Variants in ANKRD28 observed in about 807,000 individuals in gnomAD.
The protein encoded by ANKRD28 is ankyrin repeat domain 28.
ANKRD28 carries 44 observed loss-of-function variants against 126.5 expected under a neutral mutation model. That is an observed-to-expected ratio of 0.35 (90% confidence interval 0.27 to 0.45). ANKRD28 has a LOEUF of 0.45. Among genes scored for constraint, ANKRD28 ranks in the 20% least tolerant of loss-of-function variants. The probability of loss-of-function intolerance (pLI) is 1.00; values close to 1 mark genes in which losing one functional copy is unlikely to be tolerated. For synonymous variants in ANKRD28, 442 were observed against 468.5 expected (o/e 0.94, Z 0.73); for missense variants, 1,110 against 1,316.6 (o/e 0.84, Z 2.43).
chr3:15,679,329 T>C lies in ANKRD28; in HGVS notation c.2533A>G (p.Ile845Val), dbSNP rs777086590. ...CCTTTTGAATCTGTGGCGTTCACAATGCTGGCACCTAATGTATCAATTAAC... is the reference window on the plus strand; with the variant it reads ...CCTTTTGAATCTGTGGCGTTCACAACGCTGGCACCTAATGTATCAATTAAC... ...EMLIDTLGASIVNATDSKGRT... is the reference protein window; with the variant it reads ...EMLIDTLGASVVNATDSKGRT... The change falls in exon 23 of 28, where the codon ATT becomes GTT. Residue 845 changes from isoleucine to valine, a missense_variant. Physicochemically the swap from Ile to Val is conservative, Grantham distance 29 (BLOSUM62 3). Coordinates refer to ENST00000683139, the MANE Select transcript of ANKRD28 (RefSeq NM_001349278.2). 4 of 1,614,014 alleles carry C rather than the reference T, an allele frequency of 2.5e-6. No homozygotes were observed. Among genetic ancestry groups the C allele is most frequent in the Non-Finnish European group, 3.4e-6 (4 of 1,179,888 alleles).
intron 1 of ANKRD28, among the ~76,000 whole-genome samples, chr3:15,852,847 A>G (rs1198730352): frequency 2.0e-5 from 3 of 151,398 alleles, no homozygotes; most frequent in Non-Finnish European, 2.9e-5. Flanking sequence ...AAAAAAAAAA[A>G]AAAAAAAAAG....
chr3:15,762,917 T>C (rs1398775913), intron 3 of ANKRD28, among the ~76,000 whole-genome samples: 1 of 152,186 alleles, frequency 6.6e-6, no homozygotes, highest in East Asian at 1.9e-4. Context: ...GCAAATAAAC[T>C]TCAAAAGATC....
chr3:15,835,049 G>A (rs974748927), intron 1 of ANKRD28, among the ~76,000 whole-genome samples: 1 of 152,176 alleles, frequency 6.6e-6, no homozygotes, highest in African/African-American at 2.4e-5. Context: ...TCGGGAGGCT[G>A]AGGCATGAGA....
chr3:15,680,379 G>A (rs763190856), intron 21 of ANKRD28, among the ~76,000 whole-genome samples: 4 of 151,668 alleles, frequency 2.6e-5, no homozygotes, highest in East Asian at 1.9e-4. Flanking sequence ...AGCTTTTTTC[G>A]TATTTTTAGT....
At chr3:15,759,459 T>C (rs1202194202) in intron 3 of ANKRD28, among the ~76,000 whole-genome samples, 1 of 152,174 alleles carries the variant, frequency 6.6e-6, no homozygotes, top group Non-Finnish European at 1.5e-5. Context: ...TGGACTCTAG[T>C]ATTACTATAG....
chr3:15,776,501 T>C (rs1012895021), intron 2 of ANKRD28, among the ~76,000 whole-genome samples: 6 of 152,230 alleles, frequency 3.9e-5, no homozygotes, highest in Non-Finnish European at 8.8e-5. Context: ...ATGATCCATT[T>C]GATTCAAAAT....
At chr3:15,671,384 AATAGT>A (rs2066330923) in intron 27 of ANKRD28, among the ~76,000 whole-genome samples, 1 of 152,138 alleles carries the variant, frequency 6.6e-6, no homozygotes, top group African/African-American at 2.4e-5. Context: ...ATGGAACTTT[AATAGT>A]TTTATCACAT....
chr3:15,746,126 T>G (rs2057459617), intron 4 of ANKRD28, among the ~76,000 whole-genome samples: 1 of 152,204 alleles, frequency 6.6e-6, no homozygotes, highest in South Asian at 2.1e-4. Flanking sequence ...TTTAGGGTTT[T>G]CTAGGTATGC....
At chr3:15,840,807 T>A (rs1222944948) in intron 1 of ANKRD28, among the ~76,000 whole-genome samples, 1 of 152,146 alleles carries the variant, frequency 6.6e-6, no homozygotes. Context: ...GTCTCTTCAA[T>A]AAATGGTGCC....
intron 15 of ANKRD28, 66 bp downstream of exon 15, chr3:15,696,068 C>G: frequency 9.1e-7 from 1 of 1,102,774 alleles, no homozygotes; most frequent in South Asian, 1.5e-5. Context: ...CATTTATTCT[C>G]ATTTTTGTTA....
At chr3:15,722,372 C>G (rs984058645) in intron 7 of ANKRD28, among the ~76,000 whole-genome samples, 1 of 152,174 alleles carries the variant, frequency 6.6e-6, no homozygotes, top group South Asian at 2.1e-4. Context: ...CAGGGAAGAA[C>G]AGTAATGTGT....
intron 1 of ANKRD28, among the ~76,000 whole-genome samples, chr3:15,841,087 G>A (rs771991572): frequency 2.0e-5 from 3 of 152,264 alleles, no homozygotes; most frequent in East Asian, 1.9e-4. Context: ...GCAGTAAGCC[G>A]AGATCCGCGC....
chr3:15,762,268 A>AT (rs1459258006), intron 3 of ANKRD28, among the ~76,000 whole-genome samples: 1 of 149,376 alleles, frequency 6.7e-6, no homozygotes, highest in Non-Finnish European at 1.5e-5. Flanking sequence ...GTGAAAGGAT[A>AT]TTTTTATAAA....
intron 17 of ANKRD28, among the ~76,000 whole-genome samples, chr3:15,691,733 G>A (rs2068829621): frequency 6.6e-6 from 1 of 152,128 alleles, no homozygotes. Context: ...ACTGTTTTAG[G>A]ATTACATCTA....
chr3:15,850,398 T>C (rs2061627663), intron 1 of ANKRD28, among the ~76,000 whole-genome samples: 1 of 151,876 alleles, frequency 6.6e-6, no homozygotes, highest in South Asian at 2.1e-4. Context: ...ACCATAAATT[T>C]GGTAGCTTAA....
chr3:15,701,015 A>G (rs1295793506), intron 14 of ANKRD28, among the ~76,000 whole-genome samples: 1 of 152,226 alleles, frequency 6.6e-6, no homozygotes, highest in Non-Finnish European at 1.5e-5. Flanking sequence ...CTACCCAAAT[A>G]TTAAACTACC....
At chr3:15,678,596 A>C (rs1373053276) in intron 23 of ANKRD28, among the ~76,000 whole-genome samples, 1 of 152,196 alleles carries the variant, frequency 6.6e-6, no homozygotes, top group South Asian at 2.1e-4. Context: ...GATTAATTAC[A>C]AAATTGCTAA....
At chr3:15,766,549 T>C (rs975666855) in intron 2 of ANKRD28, among the ~76,000 whole-genome samples, 4 of 152,042 alleles carry the variant, frequency 2.6e-5, no homozygotes, top group Admixed American at 6.6e-5. Flanking sequence ...TAGCCAGGCA[T>C]GGTAGCATGC....
At position 15,838,685 on chromosome 3, in the gene ANKRD28, T is replaced by C. The variant is rs1368226634; in HGVS notation, c.27+20692A>G. Among the ~76,000 whole-genome samples, 1 of 151,520 alleles carries C rather than the reference T, an allele frequency of 6.6e-6. No homozygotes were observed. Among genetic ancestry groups the C allele is most frequent in the Non-Finnish European group, 1.5e-5 (1 of 67,896 alleles). On this transcript the variant is annotated intron_variant, in intron 1 of 27. Coordinates refer to the ANKRD28 transcript ENST00000399451. This position sits in a 1 kb window ranked among gnomAD's most constrained non-coding sequence, Gnocchi z 4.0. ...ACTACTTGAACCCAGGAGGTAGAGG[T>C]TGCAGTGAGCCGGGACCACGCCACT...
Sources: allele counts gnomAD v4.1 joint callset (sites outside exome capture counted in the v4.1 genomes callset), GRCh38; gene constraint gnomAD v4.1.1; non-coding constraint Gnocchi (gnomAD v3.1); transcripts MANE v1.5; gene names NCBI Gene and HGNC (gene_info 2026-07-23, HGNC 2026-07-21).